ARL3: variants seen among roughly 807,000 people sequenced by gnomAD.
ARL3 encodes the protein ARF like GTPase 3.
ARL3 carries 9 observed loss-of-function variants against 26.0 expected under a neutral mutation model. The observed-to-expected ratio is 0.35, with a 90% CI of 0.21 to 0.60. The LOEUF is 0.60. ARL3 is among the 20% of genes least tolerant of loss of function. ARL3 has a pLI of 0.78. For missense variants in ARL3, 158 were observed against 215.7 expected (o/e 0.73, Z 1.67); for synonymous variants, 71 against 78.4 (o/e 0.91, Z 0.50).
intron 4 of ARL3, among the ~76,000 whole-genome samples, chr10:102,688,497 A>G (rs2135999575): frequency 7.7e-6 from 1 of 130,508 alleles, no homozygotes; most frequent in East Asian, 2.3e-4. Context: ...CTTTTTAAAA[A>G]ACTTTTTTTT....
At chr10:102,703,114 TTG>T (rs2064288954) in intron 2 of ARL3, among the ~76,000 whole-genome samples, 1 of 143,350 alleles carries the variant, frequency 7.0e-6, no homozygotes, top group African/African-American at 2.5e-5. Context: ...CAATCAGGTC[TTG>T]TCTTTTTTTT....
chr10:102,710,234 G>C (rs1421486447), intron 1 of ARL3, among the ~76,000 whole-genome samples: 2 of 152,150 alleles, frequency 1.3e-5, no homozygotes, highest in Non-Finnish European at 1.5e-5. Context: ...TTCAAGCATG[G>C]TCTAGGGAAG....
chr10:102,677,756 T>C (rs987755258), intron 5 of ARL3, among the ~76,000 whole-genome samples: 16 of 152,100 alleles, frequency 1.1e-4, no homozygotes, highest in African/African-American at 3.6e-4. Flanking sequence ...CTCCCCAACC[T>C]TCAAGAGTGT....
intron 3 of ARL3, among the ~76,000 whole-genome samples, chr10:102,694,572 G>A (rs1176259215): frequency 6.6e-6 from 1 of 151,944 alleles, no homozygotes; most frequent in Non-Finnish European, 1.5e-5. Flanking sequence ...CATTATTCCA[G>A]CGCCACTTGC....
chr10:102,711,479 C>T (rs563681451), intron 1 of ARL3, among the ~76,000 whole-genome samples: 192 of 151,892 alleles, frequency 1.3e-3, no homozygotes, highest in African/African-American at 4.5e-3. Context: ...AGGCCGGGCG[C>T]GGTGGCTCAC....
chr10:102,680,671 T>C (rs189044021), intron 5 of ARL3, among the ~76,000 whole-genome samples: 1 of 152,156 alleles, frequency 6.6e-6, no homozygotes, highest in South Asian at 2.1e-4. Flanking sequence ...GTACATTGCA[T>C]CCATCACTGC....
chr10:102,710,870 C>G (rs2064335229), intron 1 of ARL3, among the ~76,000 whole-genome samples: 1 of 152,162 alleles, frequency 6.6e-6, no homozygotes, highest in Non-Finnish European at 1.5e-5. Context: ...TCGAAATCAG[C>G]TTAAACTACT....
At chr10:102,693,126 G>C (rs964139358) in intron 3 of ARL3, among the ~76,000 whole-genome samples, 3 of 152,158 alleles carry the variant, frequency 2.0e-5, no homozygotes, top group Admixed American at 6.6e-5. Flanking sequence ...CCAGGTTTTG[G>C]CAATTAGGAA....
chr10:102,685,894 T>C lies in ARL3; in HGVS notation c.423A>G (p.Glu141=). 1 of 1,614,198 alleles carries C rather than the reference T, an allele frequency of 6.2e-7. No individual in the cohort carries two copies. Among genetic ancestry groups the C allele is most frequent in the Non-Finnish European group, 8.5e-7 (1 of 1,180,036 alleles). Residue 141 remains glutamate (E), a synonymous_variant, in exon 5 of 6, where the codon GAA becomes GAG. Transcript: ENST00000260746. ...LTAAPASEIA[E]GLNLHTIRDR... is the part of the protein sequence containing the mutation. ...CGCGGATGGTATGCAGGTTCAGTCC[T>C]TCTGCAATTTCAGAGGCAGGGGCTG...
intron 1 of ARL3, among the ~76,000 whole-genome samples, chr10:102,708,908 A>ATTATATATT (rs1554864097): frequency 1.0e-5 from 1 of 95,350 alleles, no homozygotes; most frequent in Non-Finnish European, 2.0e-5. Flanking sequence ...ATATATATAT[A>ATTATATATT]TTTTTTTTTT....
intron 2 of ARL3, among the ~76,000 whole-genome samples, chr10:102,699,854 T>C (rs1050683838): frequency 5.3e-5 from 8 of 151,644 alleles, no homozygotes; most frequent in African/African-American, 1.9e-4. Flanking sequence ...TTCATGTAAC[T>C]AACAACAAAA....
chr10:102,686,693 G>T, intron 4 of ARL3, among the ~76,000 whole-genome samples: 1 of 150,286 alleles, frequency 6.7e-6, no homozygotes, highest in African/African-American at 2.5e-5. Flanking sequence ...TTGAACTCCT[G>T]GCCTCAAGTG....
chr10:102,706,005 T>C (rs2064309369), intron 1 of ARL3, among the ~76,000 whole-genome samples: 1 of 152,098 alleles, frequency 6.6e-6, no homozygotes, highest in South Asian at 2.1e-4. Context: ...CAAAAATATA[T>C]AAAAAGGCTA....
At chr10:102,689,859 T>C (rs376383072) in intron 4 of ARL3, 34 bp downstream of exon 4, 132 of 1,379,488 alleles carry the variant, frequency 9.6e-5, no homozygotes, top group Non-Finnish European at 1.3e-4. Context: ...CATATATATA[T>C]ATAAGAACTT....
intron 2 of ARL3, among the ~76,000 whole-genome samples, chr10:102,699,743 T>C (rs969388750): frequency 3.3e-5 from 5 of 152,174 alleles, no homozygotes; most frequent in African/African-American, 4.8e-5. Context: ...CATATATACA[T>C]ATATAATTAC....
At chr10:102,706,869 G>A (rs975216951) in intron 1 of ARL3, among the ~76,000 whole-genome samples, 1 of 151,952 alleles carries the variant, frequency 6.6e-6, no homozygotes, top group African/African-American at 2.4e-5. Flanking sequence ...ATGGGGTTTC[G>A]CCATGTTAGC....
At chr10:102,699,842 A>G (rs1237469781) in intron 2 of ARL3, among the ~76,000 whole-genome samples, 1 of 152,200 alleles carries the variant, frequency 6.6e-6, no homozygotes, top group Non-Finnish European at 1.5e-5. Context: ...TTAACAGGAC[A>G]TTTCATGTAA....
chr10:102,679,597 G>A (rs2064145398), intron 5 of ARL3, among the ~76,000 whole-genome samples: 1 of 152,116 alleles, frequency 6.6e-6, no homozygotes, highest in South Asian at 2.1e-4. Context: ...AAGAGGAGCT[G>A]GGAAGCACCC....
intron 2 of ARL3, 70 bp downstream of exon 2, chr10:102,705,276 A>C (rs2064303220): frequency 7.5e-6 from 11 of 1,464,156 alleles, no homozygotes; most frequent in Non-Finnish European, 9.2e-7. Flanking sequence ...TGTATTTCCC[A>C]TTTTGTCTTT....
Sources: gnomAD v4.1 joint callset for allele counts (sites outside exome capture counted in the v4.1 genomes callset) on GRCh38, gnomAD v4.1.1 for gene constraint, MANE v1.5 for transcripts, NCBI Gene and HGNC (gene_info 2026-07-23, HGNC 2026-07-21) for gene names.